ROCK2: variants seen among roughly 807,000 people sequenced by gnomAD.
The protein encoded by ROCK2 is rho-associated protein kinase 2.
Under a neutral mutation model 195.1 loss-of-function variants are expected in ROCK2, and 61 were observed. That is an observed-to-expected ratio of 0.31 (90% CI 0.25 to 0.39). The LOEUF (loss-of-function observed/expected upper bound fraction) is 0.39, where lower values mean the gene tolerates loss of function less well. Among genes scored for constraint, ROCK2 ranks in the 10% least tolerant of loss-of-function variants. ROCK2 has a pLI of 1.00. For missense variants in ROCK2, 1,109 were observed against 1,637.4 expected (o/e 0.68, Z 5.57); for synonymous variants, 504 against 545.5 (o/e 0.92, Z 1.06).
chr2:11,214,508 T>C lies in ROCK2; in HGVS notation c.1937-45A>G, dbSNP rs373456196. The C allele has an allele frequency of 5.3e-4, 580 of 1,094,920 alleles. 5 individuals carry two copies. The Middle Eastern group carries it at 0.012, about 22-fold the overall frequency. 67.8% of individuals were successfully genotyped at this position (1,094,920 alleles called of 1,614,324 possible). A position where few individuals can be genotyped will look rare whatever the true frequency, so the allele number is the denominator to read the frequency against. ...TTTAAAACATTAAACCCACAAAGTATATACATTCAATTAGGAATAAAAAGT... is the reference window on the plus strand; with the variant it reads ...TTTAAAACATTAAACCCACAAAGTACATACATTCAATTAGGAATAAAAAGT... On this transcript the variant is annotated intron_variant, in intron 16 of 32. Coordinates refer to ENST00000315872, the MANE Select transcript of ROCK2 (RefSeq NM_004850.5).
chr2:11,279,110 A>C (rs1235608011), intron 3 of ROCK2, among the ~76,000 whole-genome samples: 1 of 152,202 alleles, frequency 6.6e-6, no homozygotes, highest in Non-Finnish European at 1.5e-5. Context: ...AAAAGAATGG[A>C]AGACAAAAAT....
chr2:11,301,139 G>A (rs1010684345), intron 1 of ROCK2, among the ~76,000 whole-genome samples: 3 of 152,088 alleles, frequency 2.0e-5, no homozygotes, highest in Admixed American at 2.0e-4. Context: ...CATTAATAAA[G>A]TAATATTTAT....
intron 3 of ROCK2, among the ~76,000 whole-genome samples, chr2:11,281,275 T>TA (rs199656427): frequency 0.023 from 3,268 of 142,682 alleles, 54 homozygotes; most frequent in East Asian, 0.055. Context: ...TGAATATCTA[T>TA]AAAAAATCCA....
intron 20 of ROCK2, among the ~76,000 whole-genome samples, 198 bp downstream of exon 20, chr2:11,207,528 T>G (rs1475094242): frequency 1.3e-5 from 2 of 152,150 alleles, no homozygotes; most frequent in Non-Finnish European, 2.9e-5. Context: ...TGTAATTAGG[T>G]AGCAGCAGTA....
intron 3 of ROCK2, among the ~76,000 whole-genome samples, chr2:11,252,372 T>C (rs1484864475): frequency 1.3e-5 from 2 of 150,752 alleles, no homozygotes; most frequent in African/African-American, 4.9e-5. Flanking sequence ...GATCACGCCA[T>C]TGCACTCCAG....
At chr2:11,280,040 T>C (rs967744440) in intron 3 of ROCK2, among the ~76,000 whole-genome samples, 2 of 152,166 alleles carry the variant, frequency 1.3e-5, no homozygotes, top group African/African-American at 4.8e-5. Context: ...CAGTGCTTAA[T>C]GCACATATCT....
chr2:11,222,955 C>T (rs1251734461), intron 7 of ROCK2, among the ~76,000 whole-genome samples: 1 of 152,096 alleles, frequency 6.6e-6, no homozygotes, highest in African/African-American at 2.4e-5. Context: ...AATAACACTC[C>T]TTTCATTAAC....
intron 3 of ROCK2, among the ~76,000 whole-genome samples, chr2:11,277,052 C>CTTCTCTTT (rs1666850543): frequency 6.6e-6 from 1 of 152,088 alleles, no homozygotes; most frequent in African/African-American, 2.4e-5. Flanking sequence ...TCCCTGTCCC[C>CTTCTCTTT]TTCTCTTTTT....
chr2:11,330,750 A>AGGGAGGAGGAGGAGGGG (rs1284607894), intron 1 of ROCK2, among the ~76,000 whole-genome samples: 2 of 37,266 alleles, frequency 5.4e-5, no homozygotes, highest in African/African-American at 6.9e-5. Context: ...GGGAGGAGGG[A>AGGGAGGAGGAGGAGGGG]GGAGGAGGAG....
chr2:11,343,008 T>C (rs11693061), intron 1 of ROCK2, among the ~76,000 whole-genome samples: 59,028 of 152,038 alleles, frequency 0.39, 13,341 homozygotes, highest in Admixed American at 0.52. Context: ...CAGGAGGGAA[T>C]AGAACTAAAC....
rs559020986 is a variant in ROCK2 at position 11,224,395 on chromosome 2, A to T, written c.934T>A (p.Ser312Thr). The T allele has an allele frequency of 3.1e-6, 5 of 1,613,068 alleles. No individual in the cohort carries two copies. The East Asian group carries it at 1.1e-4, about 36-fold the overall frequency. ...TCTGCATCTTCAGGGAAACACAGTG[A>T]ATTCTTATGATCCATAATTTTGCTA... ...TYSKIMDHKN[S>T]LCFPEDAEIS... is the part of the protein sequence containing the mutation. The change falls in exon 7 of 33, where the codon TCA (serine) becomes ACA (threonine). Residue 312 changes from serine (S) to threonine (T), a missense_variant. This residue lies in a region of ROCK2 where 253 missense variants were observed against 455.5 expected (regional missense o/e 0.56). Transcript: ENST00000315872.
At chr2:11,212,291 T>C (rs1433600499) in intron 17 of ROCK2, among the ~76,000 whole-genome samples, 2 of 152,092 alleles carry the variant, frequency 1.3e-5, no homozygotes, top group African/African-American at 4.8e-5. Flanking sequence ...CCTTTTAGAA[T>C]AGTAATCTAT....
upstream of ROCK2, among the ~76,000 whole-genome samples, chr2:11,345,436 G>T (rs1380582810): frequency 1.3e-5 from 2 of 152,156 alleles, no homozygotes; most frequent in Non-Finnish European, 2.9e-5. Context: ...CGCCCAGGGC[G>T]CAATCCGAAA....
chr2:11,344,438 G>A lies in ROCK2; in HGVS notation c.-302C>T, dbSNP rs1669221090. ...CGCTGGTCCTCAGCGAGTGCCCGCA[G>A]GAGTCCTCGGGCGGGAGCAGGGAAG... On this transcript the variant is annotated 5_prime_UTR_variant, in exon 1 of 33. Transcript: ENST00000315872. The surrounding 1 kb of genome is among the most constrained non-coding windows in gnomAD (Gnocchi z 5.4). The A allele has an allele frequency of 4.8e-6, 5 of 1,039,930 alleles. No homozygotes were observed. The highest frequency in any genetic ancestry group is 5.8e-6 in the Non-Finnish European group (5 of 866,294). 64.4% of individuals were successfully genotyped at this position (1,039,930 alleles called of 1,614,324 possible).
upstream of ROCK2, among the ~76,000 whole-genome samples, chr2:11,344,821 T>C (rs1286556951): frequency 6.7e-6 from 1 of 150,104 alleles, no homozygotes; most frequent in African/African-American, 2.4e-5. This position sits in a 1 kb window ranked among gnomAD's most constrained non-coding sequence, Gnocchi z 5.4. Context: ...CGCCCTCGCC[T>C]CCTCCCCCTG....
At chr2:11,286,415 C>G (rs1667191445) in intron 3 of ROCK2, 124 bp downstream of exon 3, 1 of 649,652 alleles carries the variant, frequency 1.5e-6, no homozygotes, top group Admixed American at 2.5e-5. Flanking sequence ...GGACACTGAC[C>G]AAGATCACAA....
At chr2:11,229,056 G>A (rs1664910160) in intron 5 of ROCK2, among the ~76,000 whole-genome samples, 1 of 152,088 alleles carries the variant, frequency 6.6e-6, no homozygotes, top group African/African-American at 2.4e-5. Flanking sequence ...GGAAGGATAA[G>A]CTGCATATCA....
At chr2:11,227,233 G>A (rs1368616744) in intron 6 of ROCK2, 21 bp downstream of exon 6, 1 of 1,588,038 alleles carries the variant, frequency 6.3e-7, no homozygotes, top group Non-Finnish European at 8.6e-7. Flanking sequence ...TTTGAAAAAA[G>A]AAGTTAAAAT....
At chr2:11,225,550 G>A (rs1001005963) in intron 6 of ROCK2, among the ~76,000 whole-genome samples, 3 of 151,184 alleles carry the variant, frequency 2.0e-5, no homozygotes, top group African/African-American at 4.9e-5. Flanking sequence ...ATGTTCCCCA[G>A]GCTGGCCTTG....
Sources: allele counts gnomAD v4.1 joint callset (sites outside exome capture counted in the v4.1 genomes callset), GRCh38; gene constraint gnomAD v4.1.1; regional missense constraint gnomAD v4.1.1; non-coding constraint Gnocchi (gnomAD v3.1); transcripts MANE v1.5; gene names NCBI Gene and HGNC (gene_info 2026-07-23, HGNC 2026-07-21).